The following BCAS4 variants were observed in gnomAD, a reference collection of about 807,000 sequenced individuals.
The protein encoded by BCAS4 is breast carcinoma amplified sequence 4, also known as breast carcinoma-amplified sequence 4.
In BCAS4, 9 loss-of-function variants were observed where a neutral mutation model predicts 15.7. The observed-to-expected ratio is 0.57, with a 90% CI of 0.34 to 1.00. The LOEUF (loss-of-function observed/expected upper bound fraction) is 1.00. Among genes scored for constraint, BCAS4 ranks in the 50% least tolerant of loss-of-function variants. The pLI is 0.02. For missense variants in BCAS4, 225 were observed against 239.1 expected (o/e 0.94, Z 0.39); for synonymous variants, 101 against 99.5 (o/e 1.02, Z -0.09).
intron 3 of BCAS4, among the ~76,000 whole-genome samples, chr20:50,837,097 C>G (rs1395705043): frequency 6.6e-6 from 1 of 152,128 alleles, no homozygotes; most frequent in Non-Finnish European, 1.5e-5. Flanking sequence ...CACAGCAACC[C>G]CAGGAGCAAG....
chr20:50,876,086 G>A lies in BCAS4; in HGVS notation c.400-400G>A, dbSNP rs551924621. On this transcript the variant is annotated intron_variant, in intron 4 of 4. Coordinates refer to ENST00000371608, the MANE Select transcript of BCAS4 (RefSeq NM_198799.4). ...CTGCCTCCGCCTCCCAAGTAGCTGG[G>A]ATTACAGGTGCGCGCTACCATGCCC... 7.9e-5 allele frequency: 36 copies of A among 452,956 alleles called. No individual in the cohort carries two copies. The East Asian group carries it at 2.2e-3, about 28-fold the overall frequency. 28.1% of individuals were successfully genotyped at this position (452,956 alleles called of 1,614,324 possible).
At chr20:50,818,316 C>T (rs770209249) in intron 2 of BCAS4, 34 bp downstream of exon 2, 4 of 1,596,138 alleles carry the variant, frequency 2.5e-6, no homozygotes, top group African/African-American at 1.3e-5. Flanking sequence ...GGGTTTAGGC[C>T]CAGGCCAGAC....
intron 3 of BCAS4, among the ~76,000 whole-genome samples, chr20:50,834,269 GCCCAGGCTGGT>G (rs1225369980): frequency 2.7e-5 from 4 of 150,708 alleles, no homozygotes; most frequent in Non-Finnish European, 4.4e-5. Flanking sequence ...CTAAGTTGCT[GCCCAGGCTGGT>G]CTCGAACTCT....
Position 50,876,781 on chromosome 20 carries a change from T to G in BCAS4, c.*173T>G. The G allele has an allele frequency of 1.2e-6, 1 of 828,408 alleles. No homozygotes were observed. Among genetic ancestry groups the G allele is most frequent in the Non-Finnish European group, 1.6e-6 (1 of 614,358 alleles). 51.3% of individuals were successfully genotyped at this position (828,408 alleles called of 1,614,324 possible). ...CTGATCTCAAACTCCTGGGCTCAAG[T>G]GATCCACCCACCTTGGCCTTCCAAA... On this transcript the variant is annotated 3_prime_UTR_variant, in exon 5 of 5. Coordinates refer to ENST00000371608, the MANE Select transcript of BCAS4 (RefSeq NM_198799.4).
chr20:50,868,583 C>G (rs1979475127), intron 4 of BCAS4, among the ~76,000 whole-genome samples: 1 of 152,144 alleles, frequency 6.6e-6, no homozygotes, highest in Admixed American at 6.5e-5. Flanking sequence ...CCACCATGAC[C>G]AGCTAATGTT....
In BCAS4 at chr20:50,803,136, G is replaced by A. The variant is rs192979590; in HGVS notation, c.90+7963G>A. Among the ~76,000 whole-genome samples, 215 of 152,272 alleles carry A rather than the reference G, an allele frequency of 1.4e-3. 1 individual carries two copies. The highest frequency in any genetic ancestry group is 4.7e-3 in the African/African-American group (197 of 41,550). The stretch of plus-strand genomic sequence containing the variant: ...GTGGAGGTTGCAGTGAGCCAAGATC[G>A]CGCCACTGCACTCCAGCCTGGGCCA... On this transcript the variant is annotated intron_variant, in intron 1 of 4. Coordinates refer to ENST00000371608, the MANE Select transcript of BCAS4 (RefSeq NM_198799.4).
intron 1 of BCAS4, among the ~76,000 whole-genome samples, chr20:50,800,685 C>G (rs1408465889): frequency 1.3e-5 from 2 of 151,658 alleles, no homozygotes; most frequent in African/African-American, 4.8e-5. Flanking sequence ...CCTCAGCCTC[C>G]CAAGTAGCTA....
At chr20:50,842,246 C>G (rs2088493488) in intron 4 of BCAS4, among the ~76,000 whole-genome samples, 1 of 152,188 alleles carries the variant, frequency 6.6e-6, no homozygotes, top group African/African-American at 2.4e-5. Context: ...CCAGGTTGCC[C>G]TTCCTGAGGC....
chr20:50,825,447 C>T (rs767896232), intron 2 of BCAS4, among the ~76,000 whole-genome samples: 1 of 152,186 alleles, frequency 6.6e-6, no homozygotes, highest in Non-Finnish European at 1.5e-5. Context: ...GGCCTTTCAG[C>T]CCCTAGGATT....
In BCAS4 at chr20:50,876,648, T is replaced by C. The variant is rs2122702122; in HGVS notation, c.*40T>C. On this transcript the variant is annotated 3_prime_UTR_variant, in exon 5 of 5. Coordinates refer to ENST00000371608, the MANE Select transcript of BCAS4 (RefSeq NM_198799.4). ...CCATCAGGAACGCTGGAAAGTGACA[T>C]TGTGTACACACTGCAGCTTGGGGGT... is the stretch of plus-strand genomic sequence containing the variant. 2 of 1,603,506 alleles carry C rather than the reference T, an allele frequency of 1.2e-6. No homozygotes were observed. Among genetic ancestry groups the C allele is most frequent in the African/African-American group, 2.7e-5 (2 of 74,436 alleles).
In BCAS4 at chr20:50,837,807, A is replaced by G. The variant is rs573661905; in HGVS notation, c.265-3959A>G. Among the ~76,000 whole-genome samples the G allele has an allele frequency of 7.7e-4, 117 of 152,348 alleles. No homozygotes were observed. The South Asian group carries it at 0.024, about 32-fold the overall frequency. Reference sequence around the variant, plus strand: ...TCAGCTTCGCCTCACACTCTCCACCAGATTGGTATTAACGCTGGGAGCGTA... The same window carrying G: ...TCAGCTTCGCCTCACACTCTCCACCGGATTGGTATTAACGCTGGGAGCGTA... On this transcript the variant is annotated intron_variant, in intron 3 of 4. Coordinates refer to ENST00000371608, the MANE Select transcript of BCAS4 (RefSeq NM_198799.4).
At chr20:50,845,884 G>T (rs985196739) in intron 4 of BCAS4, among the ~76,000 whole-genome samples, 1 of 152,262 alleles carries the variant, frequency 6.6e-6, no homozygotes, top group Non-Finnish European at 1.5e-5. Context: ...CCCAGAGAGG[G>T]CAGGCTGCCC....
At chr20:50,841,634 C>A in intron 3 of BCAS4, 132 bp from the exon 4 acceptor site, 1 of 1,243,906 alleles carries the variant, frequency 8.0e-7, no homozygotes, top group Non-Finnish European at 1.1e-6. Context: ...TGCTGCCTTG[C>A]AGGGAGCCCC....
Position 50,841,181 on chromosome 20 carries a change from C to T in BCAS4, c.265-585C>T, listed in dbSNP as rs78942075. On this transcript the variant is annotated intron_variant, in intron 3 of 4. Coordinates refer to ENST00000371608, the MANE Select transcript of BCAS4 (RefSeq NM_198799.4). The stretch of plus-strand genomic sequence containing the variant: ...CTTGAGGCCTGGAGCTGAGTGGTCC[C>T]TGTGGGCCTGGACTCAGCTTTCTGG... 4.6e-4 allele frequency among the ~76,000 whole-genome samples: 70 copies of T among 152,264 alleles called. 1 individual carries two copies. The East Asian group carries it at 0.011, about 24-fold the overall frequency.
chr20:50,837,368 C>T (rs2088422247), intron 3 of BCAS4, among the ~76,000 whole-genome samples: 1 of 152,130 alleles, frequency 6.6e-6, no homozygotes, highest in South Asian at 2.1e-4. Flanking sequence ...GGGAGGATCA[C>T]TTGAGCGCAG....
chr20:50,844,173 G>C (rs1014758076), intron 4 of BCAS4, among the ~76,000 whole-genome samples: 5 of 152,104 alleles, frequency 3.3e-5, no homozygotes, highest in Admixed American at 6.5e-5. Context: ...TTAGGGGCCA[G>C]ATGTGGTAGC....
At chr20:50,829,224 T>C (rs2088314148) in intron 2 of BCAS4, among the ~76,000 whole-genome samples, 1 of 152,140 alleles carries the variant, frequency 6.6e-6, no homozygotes, top group Non-Finnish European at 1.5e-5. Flanking sequence ...CCCAGGAGAT[T>C]CAGTTGCTCC....
At chr20:50,822,346 A>G (rs996875103) in intron 2 of BCAS4, among the ~76,000 whole-genome samples, 16 of 152,236 alleles carry the variant, frequency 1.1e-4, no homozygotes, top group African/African-American at 3.6e-4. Context: ...TACACAGCCC[A>G]GCCAGAATCA....
chr20:50,840,804 C>T (rs1323664508), intron 3 of BCAS4: 24 of 1,191,140 alleles, frequency 2.0e-5, no homozygotes, highest in Non-Finnish European at 2.8e-5. Context: ...GTCTGGTCTG[C>T]GTAGTGGCCA....
Sources: allele counts gnomAD v4.1 joint callset (sites outside exome capture counted in the v4.1 genomes callset), GRCh38; gene constraint gnomAD v4.1.1; transcripts MANE v1.5; gene names NCBI Gene and HGNC (gene_info 2026-07-23, HGNC 2026-07-21).